The following RFLNA variants were observed in gnomAD, a reference collection of about 807,000 sequenced individuals.
RFLNA encodes the protein refilin A, also known as refilin-A.
A neutral mutation model predicts 7.8 loss-of-function variants in RFLNA; 5 were observed. The ratio of observed to expected loss-of-function variants is 0.64; its 90% CI spans 0.34 to 1.35. The LOEUF (loss-of-function observed/expected upper bound fraction) is 1.35, where lower values mean the gene tolerates loss of function less well. RFLNA is among the 40% of genes most tolerant of loss of function. The pLI is 0.04. For missense variants in RFLNA, 278 were observed against 305.5 expected, an observed-to-expected ratio of 0.91 and a Z score of 0.67; for synonymous variants, 141 against 131.3, an observed-to-expected ratio of 1.07 and a Z score of -0.50.
intron 1 of RFLNA, among the ~76,000 whole-genome samples, chr12:124,310,509 CTGCAGGG>C: frequency 1.8e-4 from 1 of 5,650 alleles, no homozygotes; most frequent in South Asian, 6.8e-3. Flanking sequence ...GGGAGGTGGA[CTGCAGGG>C]AGGGGGAGGT....
Position 124,314,786 on chromosome 12 carries a change from C to T in RFLNA, c.*261C>T, listed in dbSNP as rs1465152638. On this transcript the variant is annotated 3_prime_UTR_variant, in exon 3 of 3. Coordinates refer to ENST00000546355, the MANE Select transcript of RFLNA (RefSeq NM_001365156.1). ...ACTTAAGCTGGCAAGGCGGTAGGGG[C>T]ATGCACTGTTAGGTGGTGGCCACCC... 4 of 695,384 alleles carry T rather than the reference C, an allele frequency of 5.8e-6. No homozygotes were observed. Among genetic ancestry groups the T allele is most frequent in the Admixed American group, 4.1e-5 (2 of 48,934 alleles). 43.1% of individuals were successfully genotyped at this position (695,384 alleles called of 1,614,324 possible).
chr12:124,312,459 C>A (rs996501302), intron 2 of RFLNA, among the ~76,000 whole-genome samples: 1 of 151,834 alleles, frequency 6.6e-6, no homozygotes, highest in Non-Finnish European at 1.5e-5. Context: ...TGCAGGTGTG[C>A]GCCCCCATGG....
At chr12:124,302,143 T>G (rs2034049191) in intron 1 of RFLNA, among the ~76,000 whole-genome samples, 1 of 152,190 alleles carries the variant, frequency 6.6e-6, no homozygotes, top group African/African-American at 2.4e-5. Flanking sequence ...TAATCTAATC[T>G]GACCTCATCT....
At position 124,314,273 on chromosome 12, in the gene RFLNA, C is replaced by A; in HGVS notation, c.399C>A (p.Ala133=). The A allele has an allele frequency of 6.2e-7, 1 of 1,613,670 alleles. No individual in the cohort carries two copies. ...ATGCGCCCGTACCCACCGTCACGGCCTACAGCGAGACCATCGTGGCAGCAC... is the reference window on the plus strand; with the variant it reads ...ATGCGCCCGTACCCACCGTCACGGCATACAGCGAGACCATCGTGGCAGCAC... The part of the protein sequence containing the change: ...VFYAPVPTVT[A]YSETIVAAPN... Residue 133 remains alanine, a synonymous_variant, in exon 3 of 3, where the codon GCC becomes GCA. Coordinates refer to ENST00000546355, the MANE Select transcript of RFLNA (RefSeq NM_001365156.1).
chr12:124,304,077 G>C (rs927975407), intron 1 of RFLNA, among the ~76,000 whole-genome samples: 2 of 152,254 alleles, frequency 1.3e-5, no homozygotes, highest in Non-Finnish European at 2.9e-5. Flanking sequence ...TGCCTTCTTG[G>C]CCGCGAGAGG....
chr12:124,291,940 G>C (rs971205047), upstream of RFLNA, among the ~76,000 whole-genome samples: 1 of 152,150 alleles, frequency 6.6e-6, no homozygotes, highest in Non-Finnish European at 1.5e-5. Context: ...CTTCCCAGGG[G>C]TGTATGGTGC....
intron 1 of RFLNA, among the ~76,000 whole-genome samples, chr12:124,308,089 C>T (rs1344864785): frequency 1.3e-5 from 2 of 152,022 alleles, no homozygotes; most frequent in Non-Finnish European, 2.9e-5. Context: ...TTGAGCGATC[C>T]TCCTGCCTCA....
In RFLNA at chr12:124,290,070, T is replaced by C. The variant is rs2033794505; in HGVS notation, c.-37+700T>C. Among the ~76,000 whole-genome samples, 1 of 152,182 alleles carries C rather than the reference T, an allele frequency of 6.6e-6. No homozygotes were observed. Among genetic ancestry groups the C allele is most frequent in the Non-Finnish European group, 1.5e-5 (1 of 68,022 alleles). Reference sequence around the variant, plus strand: ...CACTTCAACTTCTTCTGTGGCTACTTTCAAACCCTCAGGGATGTTCAGTGT... The same window carrying C: ...CACTTCAACTTCTTCTGTGGCTACTCTCAAACCCTCAGGGATGTTCAGTGT... On this transcript the variant is annotated intron_variant, in intron 1 of 2. Transcript: ENST00000324038. This position sits in a 1 kb window ranked among gnomAD's most constrained non-coding sequence, Gnocchi z 4.0.
chr12:124,303,770 G>A (rs1398766738), intron 1 of RFLNA, among the ~76,000 whole-genome samples: 3 of 152,194 alleles, frequency 2.0e-5, no homozygotes, highest in African/African-American at 7.2e-5. Context: ...GCAGACGAGG[G>A]CATCTCACCG....
Position 124,314,752 on chromosome 12 carries a change from T to A in RFLNA, c.*227T>A, listed in dbSNP as rs1201057646. 6 of 796,072 alleles carry A rather than the reference T, an allele frequency of 7.5e-6. No individual in the cohort carries two copies. The Admixed American group carries it at 8.0e-5, about 11-fold the overall frequency. The allele number at this position is 796,072 out of a possible 1,614,324, so 49.3% of individuals were successfully genotyped here. A position where few individuals can be genotyped will look rare whatever the true frequency, so the allele number is the denominator to read the frequency against. Reference sequence around the variant, plus strand: ...TCAAGGACTCAGTAAAAGCATCTATTTTTTTAGCACTTAAGCTGGCAAGGC... The same window carrying A: ...TCAAGGACTCAGTAAAAGCATCTATATTTTTAGCACTTAAGCTGGCAAGGC... On this transcript the variant is annotated 3_prime_UTR_variant, in exon 3 of 3. Coordinates refer to ENST00000546355, the MANE Select transcript of RFLNA (RefSeq NM_001365156.1).
At chr12:124,293,885 C>T (rs979936886), upstream of RFLNA, among the ~76,000 whole-genome samples, 1 of 152,202 alleles carries the variant, frequency 6.6e-6, no homozygotes, top group Admixed American at 6.5e-5. Flanking sequence ...TGAAAATCGC[C>T]TCCTCCAAGA....
chr12:124,296,126 C>CTTTCTTTTTCTTTCTTTCTT (rs1566320083), intron 1 of RFLNA, among the ~76,000 whole-genome samples: 1 of 1,520 alleles, frequency 6.6e-4, no homozygotes, highest in Non-Finnish European at 2.4e-3. Flanking sequence ...CTTTCTTTCT[C>CTTTCTTTTTCTTTCTTTCTT]TCTCTCTCTC....
At chr12:124,304,236 C>T (rs1015145912) in intron 1 of RFLNA, among the ~76,000 whole-genome samples, 6 of 152,246 alleles carry the variant, frequency 3.9e-5, no homozygotes, top group African/African-American at 1.4e-4. Flanking sequence ...GTGTCCAGCC[C>T]TGCAGCTCCG....
Position 124,299,861 on chromosome 12 carries a change from T to C in RFLNA, c.207+4225T>C, listed in dbSNP as rs561629577. Among the ~76,000 whole-genome samples the C allele has an allele frequency of 4.6e-5, 7 of 152,316 alleles. No homozygotes were observed. The East Asian group carries it at 1.4e-3, about 29-fold the overall frequency. On this transcript the variant is annotated intron_variant, in intron 1 of 2. Transcript: ENST00000546355. The stretch of plus-strand genomic sequence containing the variant: ...CCAGGGCCTGGACTGTCACTGCAGA[T>C]TGAGCAAACACCCATTGCTCTTCTC...
rs1417517793 is a variant in RFLNA at position 124,315,042 on chromosome 12, G to A, written c.*517G>A. 2 of 248,090 alleles carry A rather than the reference G, an allele frequency of 8.1e-6. No homozygotes were observed. Among genetic ancestry groups the A allele is most frequent in the Non-Finnish European group, 1.6e-5 (2 of 123,990 alleles). 15.4% of individuals were successfully genotyped at this position (248,090 alleles called of 1,614,324 possible). On this transcript the variant is annotated 3_prime_UTR_variant, in exon 3 of 3. Transcript: ENST00000546355. ...GGGGTATTTCCAAAACAGCCTTTTC[G>A]CACACATGCAGGTTGCACCGAGAGG...
At chr12:124,313,596 G>A (rs987718816) in intron 2 of RFLNA, among the ~76,000 whole-genome samples, 3 of 151,856 alleles carry the variant, frequency 2.0e-5, no homozygotes, top group African/African-American at 4.8e-5. Context: ...AGAGAATGGC[G>A]TGAACCTGGG....
chr12:124,291,095 G>A (rs151261469), upstream of RFLNA, among the ~76,000 whole-genome samples: 80 of 152,258 alleles, frequency 5.3e-4, no homozygotes, highest in Middle Eastern at 3.4e-3. Context: ...CCATGTCACG[G>A]TCCACTGGGA....
At chr12:124,305,635 C>T (rs1247448724) in intron 1 of RFLNA, among the ~76,000 whole-genome samples, 1 of 152,216 alleles carries the variant, frequency 6.6e-6, no homozygotes, top group East Asian at 1.9e-4. Context: ...GCCCCTTCCT[C>T]CTCATCAAAG....
Position 124,314,642 on chromosome 12 carries a change from C to T in RFLNA, c.*117C>T, listed in dbSNP as rs542899826. On this transcript the variant is annotated 3_prime_UTR_variant, in exon 3 of 3. Coordinates refer to ENST00000546355, the MANE Select transcript of RFLNA (RefSeq NM_001365156.1). Reference sequence around the variant, plus strand: ...GGCAGGAGGCGGGAAGGGAGGCTGCCAGACCAAGGACCCGTGTGGAAGGAG... The same window carrying T: ...GGCAGGAGGCGGGAAGGGAGGCTGCTAGACCAAGGACCCGTGTGGAAGGAG... 1,249 of 1,497,692 alleles carry T rather than the reference C, an allele frequency of 8.3e-4. 12 individuals carry two copies. In the African/African-American group the frequency reaches 0.016, roughly 19 times the overall value. 92.8% of individuals were successfully genotyped at this position (1,497,692 alleles called of 1,614,324 possible).
Sources: allele counts gnomAD v4.1 joint callset (sites outside exome capture counted in the v4.1 genomes callset), GRCh38; gene constraint gnomAD v4.1.1; non-coding constraint Gnocchi (gnomAD v3.1); transcripts MANE v1.5; gene names NCBI Gene and HGNC (gene_info 2026-07-23, HGNC 2026-07-21).